SERPINI1: variants seen among roughly 807,000 people sequenced by gnomAD.
The protein encoded by SERPINI1 is neuroserpin.
A neutral mutation model predicts 41.1 loss-of-function variants in SERPINI1; 19 were observed. The observed-to-expected ratio is 0.46, with a 90% CI of 0.32 to 0.68. The LOEUF (loss-of-function observed/expected upper bound fraction) is 0.68, where lower values mean the gene tolerates loss of function less well. SERPINI1 is among the 30% of genes least tolerant of loss of function. SERPINI1 has a pLI of 0.03. For missense variants in SERPINI1, 460 were observed against 479.2 expected (o/e 0.96, Z 0.37); for synonymous variants, 138 against 156.6 (o/e 0.88, Z 0.89).
At chr3:167,806,948 C>A (rs986796568) in intron 5 of SERPINI1, among the ~76,000 whole-genome samples, 2 of 151,990 alleles carry the variant, frequency 1.3e-5, no homozygotes, top group African/African-American at 4.8e-5. Context: ...ACTAAGTAAT[C>A]ATATGGTAAT....
intron 1 of SERPINI1, among the ~76,000 whole-genome samples, chr3:167,787,628 C>T (rs1485343366): frequency 6.6e-6 from 1 of 152,236 alleles, no homozygotes; most frequent in East Asian, 1.9e-4. Flanking sequence ...CACTCCATCT[C>T]CCATTAGCTG....
chr3:167,788,373 A>T (rs1727381046), intron 1 of SERPINI1, among the ~76,000 whole-genome samples: 1 of 152,194 alleles, frequency 6.6e-6, no homozygotes. Context: ...TAGAAACACC[A>T]GTTTGTTTGG....
At chr3:167,803,136 G>T (rs1023546688) in intron 5 of SERPINI1, among the ~76,000 whole-genome samples, 1 of 151,898 alleles carries the variant, frequency 6.6e-6, no homozygotes, top group African/African-American at 2.4e-5. Flanking sequence ...GTGGGGTTGG[G>T]GGAGGGGGAG....
chr3:167,802,551 G>C (rs1216162977), intron 5 of SERPINI1, among the ~76,000 whole-genome samples: 1 of 151,774 alleles, frequency 6.6e-6, no homozygotes, highest in Non-Finnish European at 1.5e-5. Flanking sequence ...GGCCATCAGA[G>C]AAATGCAAAT....
chr3:167,791,244 A>G (rs1727498445), intron 3 of SERPINI1, among the ~76,000 whole-genome samples: 1 of 152,300 alleles, frequency 6.6e-6, no homozygotes, highest in South Asian at 2.1e-4. Flanking sequence ...TCACAGTCCT[A>G]AAATTGAGAC....
intron 1 of SERPINI1, among the ~76,000 whole-genome samples, chr3:167,788,208 T>C (rs1049850375): frequency 1.3e-5 from 2 of 152,162 alleles, no homozygotes; most frequent in Non-Finnish European, 2.9e-5. Flanking sequence ...AGACAGGGCT[T>C]CTGGAACACT....
At chr3:167,737,711 A>G (rs188599237) in intron 1 of SERPINI1, among the ~76,000 whole-genome samples, 1 of 152,304 alleles carries the variant, frequency 6.6e-6, no homozygotes, top group East Asian at 1.9e-4. Context: ...TCTGTTTGAA[A>G]GAGTTTTATT....
intron 6 of SERPINI1, among the ~76,000 whole-genome samples, chr3:167,819,658 A>G (rs1343779386): frequency 6.6e-6 from 1 of 152,216 alleles, no homozygotes; most frequent in Non-Finnish European, 1.5e-5. Context: ...GTCCTCTGTA[A>G]CAGATGTACC....
chr3:167,816,704 T>C lies in SERPINI1; in HGVS notation c.980-6282T>C, dbSNP rs148446566. ...CATATTAGAAAGGCTTCAATAGAAT[T>C]AGTTTCTGGGTTCAATAGGAGAGTG... is the stretch of plus-strand genomic sequence containing the variant. On this transcript the variant is annotated intron_variant, in intron 6 of 8. Coordinates refer to ENST00000446050, the MANE Select transcript of SERPINI1 (RefSeq NM_001122752.2). Among the ~76,000 whole-genome samples the C allele has an allele frequency of 1.3e-3, 198 of 152,218 alleles. 1 individual carries two copies. Among genetic ancestry groups the C allele is most frequent in the African/African-American group, 4.6e-3 (193 of 41,546 alleles).
rs553582437 is a variant in SERPINI1 at position 167,776,003 on chromosome 3, G to C, written c.-18-13108G>C. ...ATACTCTTTTCTCACCTACAAAATG[G>C]GGGGAGGCCTTACCAGGTGTTTCCA... On this transcript the variant is annotated intron_variant, in intron 1 of 8. Transcript: ENST00000446050. Among the ~76,000 whole-genome samples the C allele has an allele frequency of 2.0e-4, 31 of 152,268 alleles. No individual in the cohort carries two copies. The South Asian group carries it at 5.8e-3, about 29-fold the overall frequency.
chr3:167,774,964 C>T (rs920719433), intron 1 of SERPINI1, among the ~76,000 whole-genome samples: 4 of 152,052 alleles, frequency 2.6e-5, no homozygotes, highest in Non-Finnish European at 5.9e-5. Context: ...AAACAAGCTA[C>T]AAATATAATA....
chr3:167,773,407 CAAT>C (rs540551504), intron 1 of SERPINI1, among the ~76,000 whole-genome samples: 218 of 149,580 alleles, frequency 1.5e-3, no homozygotes, highest in African/African-American at 5.1e-3. Context: ...TGAAGAACTA[CAAT>C]ATTTCCCCTA....
chr3:167,735,995 G>A (rs1725403655), intron 1 of SERPINI1, 172 bp downstream of exon 1: 1 of 152,222 alleles, frequency 6.6e-6, no homozygotes. Flanking sequence ...AAAGCAAAAG[G>A]AAGCTTGACT....
At chr3:167,763,357 T>TTGTGTGTGTG (rs35578479) in intron 1 of SERPINI1, among the ~76,000 whole-genome samples, 3,210 of 147,698 alleles carry the variant, frequency 0.022, 129 homozygotes, top group African/African-American at 0.074. Context: ...AACCACAGTT[T>TTGTGTGTGTG]TGTGTGTGTG....
At chr3:167,774,196 A>C (rs763579592) in intron 1 of SERPINI1, among the ~76,000 whole-genome samples, 2 of 152,200 alleles carry the variant, frequency 1.3e-5, no homozygotes, top group African/African-American at 4.8e-5. Flanking sequence ...GGACACAGCT[A>C]ATGCTTAGTA....
At chr3:167,814,656 C>G (rs1712009864) in intron 6 of SERPINI1, among the ~76,000 whole-genome samples, 1 of 152,158 alleles carries the variant, frequency 6.6e-6, no homozygotes, top group Admixed American at 6.5e-5. Flanking sequence ...ATACTTAGAG[C>G]CTTTGGTGCC....
At chr3:167,748,806 A>G (rs773320308) in intron 1 of SERPINI1, among the ~76,000 whole-genome samples, 1 of 143,982 alleles carries the variant, frequency 6.9e-6, no homozygotes, top group Non-Finnish European at 1.5e-5. Context: ...ACTGTATCTA[A>G]ATACCAGTTC....
In SERPINI1 at chr3:167,789,190, T is replaced by A. The variant is rs765482034; in HGVS notation, c.62T>A (p.Phe21Tyr). ...CAAAGTATGGCTACAGGGGCCACTT[T>A]CCCTGAGGAAGCCATTGCTGACTTG... Reference protein sequence around the residue: ...VLQSMATGATFPEEAIADLSV... With the variant: ...VLQSMATGATYPEEAIADLSV... Residue 21 changes from phenylalanine to tyrosine, a missense_variant, in exon 2 of 9, where the codon TTC (phenylalanine) becomes TAC (tyrosine). Coordinates refer to ENST00000446050, the MANE Select transcript of SERPINI1 (RefSeq NM_001122752.2). 1.2e-6 allele frequency: 2 copies of A among 1,614,048 alleles called. No homozygotes were observed. Among genetic ancestry groups the A allele is most frequent in the Non-Finnish European group, 1.7e-6 (2 of 1,180,014 alleles).
chr3:167,824,713 T>G (rs1712456384), intron 8 of SERPINI1, 151 bp downstream of exon 8: 10 of 606,020 alleles, frequency 1.7e-5, no homozygotes, highest in Non-Finnish European at 2.9e-5. Context: ...AACTGAATTA[T>G]CAGATAGTTT....
Sources: allele counts gnomAD v4.1 joint callset (sites outside exome capture counted in the v4.1 genomes callset), GRCh38; gene constraint gnomAD v4.1.1; transcripts MANE v1.5; gene names NCBI Gene and HGNC (gene_info 2026-07-23, HGNC 2026-07-21).